Variants in PARVB observed in about 807,000 individuals in gnomAD.
The protein encoded by PARVB is beta-parvin.
Under a neutral mutation model 47.0 loss-of-function variants are expected in PARVB, and 46 were observed. That is an observed-to-expected ratio of 0.98 (90% CI 0.77 to 1.25). The LOEUF (loss-of-function observed/expected upper bound fraction) is 1.25, where lower values mean the gene tolerates loss of function less well. Among genes scored for constraint, PARVB ranks in the 50% most tolerant of loss-of-function variants. The probability of loss-of-function intolerance (pLI) is 0.00; values close to 1 mark genes in which losing one functional copy is unlikely to be tolerated. For missense variants in PARVB, 473 were observed against 471.6 expected (o/e 1.00, Z -0.03); for synonymous variants, 196 against 196.3 (o/e 1.00, Z 0.01).
At chr22:44,059,844 G>A (rs530589154) in intron 1 of PARVB, among the ~76,000 whole-genome samples, 3 of 152,144 alleles carry the variant, frequency 2.0e-5, no homozygotes, top group Admixed American at 6.5e-5. Flanking sequence ...AACAGCACTC[G>A]TCGTCTTTGG....
At chr22:44,050,629 C>T (rs191348279) in intron 1 of PARVB, among the ~76,000 whole-genome samples, 9 of 152,272 alleles carry the variant, frequency 5.9e-5, no homozygotes, top group East Asian at 1.9e-4. Context: ...TGAGCCACTG[C>T]GCCTGGCCAG....
At chr22:44,053,941 C>T (rs1179196400) in intron 1 of PARVB, among the ~76,000 whole-genome samples, 1 of 152,212 alleles carries the variant, frequency 6.6e-6, no homozygotes, top group Non-Finnish European at 1.5e-5. Context: ...TGGAAGCTCC[C>T]TGAATCCTGC....
At chr22:44,099,172 G>A (rs1456191738) in intron 2 of PARVB, among the ~76,000 whole-genome samples, 2 of 152,196 alleles carry the variant, frequency 1.3e-5, no homozygotes, top group Non-Finnish European at 2.9e-5. Flanking sequence ...GAGCCTCCCG[G>A]TGAGTGGAGC....
chr22:44,140,174 G>A (rs771993731), intron 8 of PARVB, 31 bp downstream of exon 8: 6 of 1,612,968 alleles, frequency 3.7e-6, no homozygotes, highest in Non-Finnish European at 5.1e-6. Flanking sequence ...TGGGGAGATG[G>A]AGGCATGTTA....
chr22:44,068,959 C>T lies in PARVB; in HGVS notation c.113-24969C>T, dbSNP rs913937368. ...TGGTCTGTGGTCAGCAAGGAGCTAT[C>T]GCTGGAAACACCCCGGTCCTTCCAC... On this transcript the variant is annotated intron_variant, in intron 1 of 12. Transcript: ENST00000338758. This position sits in a 1 kb window ranked among gnomAD's most constrained non-coding sequence, Gnocchi z 4.1. 3 of 608,262 alleles carry T rather than the reference C, an allele frequency of 4.9e-6. No individual in the cohort carries two copies. In the Admixed American group the frequency reaches 8.8e-5, roughly 18 times the overall value. The allele number at this position is 608,262 out of a possible 1,614,324, so 37.7% of individuals were successfully genotyped here.
chr22:44,032,616 G>A (rs2050845643), intron 1 of PARVB, among the ~76,000 whole-genome samples: 1 of 152,152 alleles, frequency 6.6e-6, no homozygotes, highest in Non-Finnish European at 1.5e-5. Context: ...CACTTGTGGT[G>A]TAAGGAAGGA....
intron 1 of PARVB, among the ~76,000 whole-genome samples, chr22:44,079,040 A>G (rs2051839968): frequency 6.6e-6 from 1 of 152,146 alleles, no homozygotes; most frequent in South Asian, 2.1e-4. Flanking sequence ...GTGAGTTTTT[A>G]CAAGAGACAC....
At chr22:44,095,329 C>T (rs116878739) in intron 2 of PARVB, among the ~76,000 whole-genome samples, 9,297 of 152,002 alleles carry the variant, frequency 0.061, 315 homozygotes, top group Middle Eastern at 0.11. Context: ...GCCAACATGG[C>T]GAAACCGCGT....
intron 1 of PARVB, among the ~76,000 whole-genome samples, chr22:44,067,201 T>C (rs2146970328): frequency 6.6e-6 from 1 of 152,322 alleles, no homozygotes; most frequent in East Asian, 1.9e-4. Context: ...CTTGCTTGCA[T>C]TGTGAAATCC....
At chr22:44,087,995 G>A (rs2052071399) in intron 1 of PARVB, among the ~76,000 whole-genome samples, 1 of 152,006 alleles carries the variant, frequency 6.6e-6, no homozygotes, top group African/African-American at 2.4e-5. Context: ...TGTGCCGAGG[G>A]TGTGTGTCCC....
chr22:44,106,027 A>G (rs2052558870), intron 3 of PARVB: 1 of 151,354 alleles, frequency 6.6e-6, no homozygotes, highest in Non-Finnish European at 1.5e-5. Context: ...AGGGGGCTTC[A>G]CCATGTTGGC....
In PARVB at chr22:44,059,039, C is replaced by CTTTTT. The variant is rs11296450; in HGVS notation, c.112+34606_112+34610dup. On this transcript the variant is annotated intron_variant, in intron 1 of 12. Coordinates refer to ENST00000338758, the MANE Select transcript of PARVB (RefSeq NM_013327.5). The stretch of plus-strand genomic sequence containing the variant: ...CTTCTTAGTTCTGCACACCCTGTGG[C>CTTTTT]TTTTTTTTTTTTTTTTTTTTTTCTG... Among the ~76,000 whole-genome samples, 4 of 73,070 alleles carry CTTTTT rather than the reference C, an allele frequency of 5.5e-5. 1 individual carries two copies. The highest frequency in any genetic ancestry group is 4.7e-5 in the Non-Finnish European group (2 of 42,938). The allele number at this position is 73,070 out of a possible 152,430, so 47.9% of individuals were successfully genotyped here. A position where few individuals can be genotyped will look rare whatever the true frequency, so the allele number is the denominator to read the frequency against.
chr22:44,103,834 G>C lies in PARVB; in HGVS notation c.273+3711G>C, dbSNP rs2052507691. 6.6e-6 allele frequency: 1 copy of C among 152,238 alleles called. No homozygotes were observed. The highest frequency in any genetic ancestry group is 1.5e-5 in the Non-Finnish European group (1 of 68,070). The allele number at this position is 152,238 out of a possible 1,614,324, so 9.4% of individuals were successfully genotyped here. On this transcript the variant is annotated intron_variant, in intron 3 of 12. Transcript: ENST00000338758. This position sits in a 1 kb window ranked among gnomAD's most constrained non-coding sequence, Gnocchi z 4.6. ...GGCCTCTGCCTCTAGAAGTGGAAAA[G>C]ACAAAGAAATGGATTCTCCACTAGA...
At chr22:44,127,338 G>A (rs2053209146) in intron 4 of PARVB, among the ~76,000 whole-genome samples, 1 of 152,046 alleles carries the variant, frequency 6.6e-6, no homozygotes, top group South Asian at 2.1e-4. Context: ...CTCATTTTGT[G>A]AATGTTGTTA....
At chr22:44,086,734 A>C (rs1357422487) in intron 1 of PARVB, 1 of 985,138 alleles carries the variant, frequency 1.0e-6, no homozygotes, top group Non-Finnish European at 1.2e-6. Flanking sequence ...TTTTAGAAAA[A>C]CTGCTCTGTT....
intron 1 of PARVB, chr22:44,069,087 G>A: frequency 6.2e-7 from 1 of 1,609,044 alleles, no homozygotes; most frequent in South Asian, 1.1e-5. Context: ...TGAACGGGGT[G>A]TGTGCCCGCC....
At position 44,009,439 on chromosome 22, in the gene PARVB, C is replaced by T. The variant is rs192006646; in HGVS notation, c.211+9766C>T. ...AGTTTTGAAATCAGTTCTATTTGCTCTAAATAACATCAACTTGTTATTTTT... is the reference window on the plus strand; with the variant it reads ...AGTTTTGAAATCAGTTCTATTTGCTTTAAATAACATCAACTTGTTATTTTT... On this transcript the variant is annotated intron_variant, in intron 2 of 13. Coordinates refer to the PARVB transcript ENST00000406477. 1.1e-4 allele frequency: 17 copies of T among 152,192 alleles called. 1 individual carries two copies. The highest frequency in any genetic ancestry group is 3.9e-4 in the African/African-American group (16 of 41,518). The allele number at this position is 152,192 out of a possible 1,614,324, so 9.4% of individuals were successfully genotyped here. A position where few individuals can be genotyped will look rare whatever the true frequency, so the allele number is the denominator to read the frequency against.
intron 1 of PARVB, among the ~76,000 whole-genome samples, chr22:44,085,232 G>C (rs1040296261): frequency 3.3e-5 from 5 of 152,182 alleles, no homozygotes; most frequent in Admixed American, 3.3e-4. Context: ...GCTCCAAGTA[G>C]CTGGGACAAC....
At chr22:44,168,425 G>C (rs1011756429) in intron 12 of PARVB, among the ~76,000 whole-genome samples, 177 bp from the exon 13 acceptor site, 1 of 152,142 alleles carries the variant, frequency 6.6e-6, no homozygotes, top group African/African-American at 2.4e-5. Flanking sequence ...CAAAACCTGT[G>C]TGTCTGGGGA....
Sources: allele counts gnomAD v4.1 joint callset (sites outside exome capture counted in the v4.1 genomes callset), GRCh38; gene constraint gnomAD v4.1.1; non-coding constraint Gnocchi (gnomAD v3.1); transcripts MANE v1.5; gene names NCBI Gene and HGNC (gene_info 2026-07-23, HGNC 2026-07-21).